DHPS: variants seen among roughly 807,000 people sequenced by gnomAD.
DHPS encodes the protein migration-inducing gene 13.
DHPS carries 24 observed loss-of-function variants against 38.7 expected under a neutral mutation model. The observed-to-expected ratio is 0.62, with a 90% confidence interval of 0.45 to 0.87. DHPS has a LOEUF of 0.87. DHPS is among the 40% of genes least tolerant of loss of function. The pLI, the probability that DHPS is intolerant of heterozygous loss-of-function variation, is 0.00. For missense variants in DHPS, 510 were observed against 497.6 expected, an observed-to-expected ratio of 1.02 and a Z score of -0.24; for synonymous variants, 250 against 204.4, an observed-to-expected ratio of 1.22 and a Z score of -1.90.
downstream of DHPS, chr19:12,673,102 G>A (rs772787838): frequency 1.9e-6 from 3 of 1,612,956 alleles, no homozygotes; most frequent in Non-Finnish European, 2.5e-6. Context: ...AAGACACAGG[G>A]GAGCTGCTGG....
chr19:12,679,959 A>G (rs1437313443), intron 2 of DHPS, 37 bp from the exon 3 acceptor site: 1 of 1,597,848 alleles, frequency 6.3e-7, no homozygotes. Flanking sequence ...CCCAAGAAGG[A>G]AGCCCCTGCC....
downstream of DHPS, among the ~76,000 whole-genome samples, chr19:12,674,011 G>A (rs2024496728): frequency 6.6e-6 from 1 of 152,134 alleles, no homozygotes; most frequent in Non-Finnish European, 1.5e-5. Context: ...GGGCTAGAGA[G>A]AAGATGAGGC....
In DHPS at chr19:12,679,613, C is replaced by T; in HGVS notation, c.591+10G>A. The T allele has an allele frequency of 6.2e-7, 1 of 1,614,154 alleles. No individual in the cohort carries two copies. The highest frequency in any genetic ancestry group is 8.5e-7 in the Non-Finnish European group (1 of 1,180,016). On this transcript the variant is annotated intron_variant, in intron 4 of 8. Transcript: ENST00000210060. Reference sequence around the variant, plus strand: ...ACTGAACTGGCCCCTCCAGGTTGCCCCAGCCCCACCTCTGTGTTCTGCTCC... The same window carrying T: ...ACTGAACTGGCCCCTCCAGGTTGCCTCAGCCCCACCTCTGTGTTCTGCTCC...
At position 12,680,313 on chromosome 19, in the gene DHPS, G is replaced by C. The variant is rs1568320103; in HGVS notation, c.220C>G (p.Leu74Val). The C allele has an allele frequency of 6.2e-7, 1 of 1,614,162 alleles. No individual in the cohort carries two copies. The highest frequency in any genetic ancestry group is 1.1e-5 in the South Asian group (1 of 91,088). The change falls in exon 2 of 9, where the codon CTG becomes GTG. Residue 74 changes from leucine (L) to valine (V), a missense_variant. Leu to Val is a conservative substitution (Grantham distance 32). Transcript: ENST00000210060. ...TCTTCATCCTGTGACAGTGGTTCCA[G>C]CTTCTTCTCGATCTGTGAGTAAGGG... ...QQVNAMIEKK[L>V]EPLSQDEDQH...
In DHPS at chr19:12,675,808, G is replaced by A. The variant is rs772840626; in HGVS notation, c.*30C>T. The A allele has an allele frequency of 5.7e-6, 9 of 1,569,270 alleles. No homozygotes were observed. The East Asian group carries it at 1.1e-4, about 20-fold the overall frequency. ...GTCTGCAAATTAATAAATAGAAGAGGGGGTAAGACCTTCCTGGGACCGCAG... is the reference window on the plus strand; with the variant it reads ...GTCTGCAAATTAATAAATAGAAGAGAGGGTAAGACCTTCCTGGGACCGCAG... On this transcript the variant is annotated 3_prime_UTR_variant, in exon 9 of 9. Coordinates refer to ENST00000210060, the MANE Select transcript of DHPS (RefSeq NM_001930.4).
chr19:12,678,204 G>C (rs2024680740), intron 5 of DHPS, among the ~76,000 whole-genome samples: 1 of 151,142 alleles, frequency 6.6e-6, no homozygotes, highest in Non-Finnish European at 1.5e-5. Context: ...GTTGCTGTGA[G>C]CCAAGATTGC....
rs1410672366 is a variant in DHPS, at chr19:12,679,848, G to A, written c.447C>T (p.Gly149=). 8.1e-6 allele frequency: 13 copies of A among 1,613,992 alleles called. No homozygotes were observed. The highest frequency in any genetic ancestry group is 1.1e-5 in the Non-Finnish European group (13 of 1,180,016). Residue 149 remains glycine, a synonymous_variant, in exon 3 of 9, where the codon GGC becomes GGT. Transcript: ENST00000210060. ...GCTCCTTCCCCCTGAGGCTAAACTC[G>A]CCCAAGTATGTGGGCGCCAGGCACT... ...LIKCLAPTYL[G]EFSLRGKELR...
chr19:12,677,427 A>G (rs774023747), intron 5 of DHPS, 31 bp from the exon 6 acceptor site: 1 of 1,589,232 alleles, frequency 6.3e-7, no homozygotes, highest in African/African-American at 1.3e-5. Flanking sequence ...CAGTGGCTGG[A>G]GCTCAGAGCC....
intron 1 of DHPS, chr19:12,681,019 A>T (rs567688842): frequency 2.9e-6 from 2 of 692,660 alleles, no homozygotes; most frequent in South Asian, 3.5e-5. Flanking sequence ...ATTTTAGTAG[A>T]GACAGGGTTT....
chr19:12,681,705 C>G lies in DHPS; in HGVS notation c.62G>C (p.Ser21Thr), dbSNP rs757656603. 6.2e-7 allele frequency: 1 copy of G among 1,613,946 alleles called. No homozygotes were observed. The highest frequency in any genetic ancestry group is 8.5e-7 in the Non-Finnish European group (1 of 1,180,034). The change falls in exon 1 of 9, where the codon AGC becomes ACC. Residue 21 changes from serine (S) to threonine (T), a missense_variant. By Grantham distance (58) the Ser-to-Thr change is moderately conservative. Transcript: ENST00000210060. The stretch of plus-strand genomic sequence containing the variant: ...GGTGCTTTCGGGCGGCAACGTCGAG[C>G]TGTGCTTTAGCACGGCGGCCAGCGC... ...AGALAAVLKH[S>T]STLPPESTQV...
chr19:12,676,400 ACT>A (rs2024590168), intron 7 of DHPS: 1 of 469,548 alleles, frequency 2.1e-6, no homozygotes, highest in Non-Finnish European at 3.8e-6. Flanking sequence ...GCTGCCAGCA[ACT>A]CTATCTTCAG....
chr19:12,672,870 G>A (rs558095190), downstream of DHPS: 8 of 1,592,342 alleles, frequency 5.0e-6, no homozygotes, highest in Admixed American at 5.3e-5. Flanking sequence ...CGCGTGAGAC[G>A]CTATGACCTA....
Position 12,679,609 on chromosome 19 carries a change from T to TCAGTTCAGTTCAGGTGGG in DHPS, c.591+13_591+14insCCCACCTGAACTGAACTG. The TCAGTTCAGTTCAGGTGGG allele has an allele frequency of 6.2e-7, 1 of 1,614,158 alleles. No homozygotes were observed. Among genetic ancestry groups the TCAGTTCAGTTCAGGTGGG allele is most frequent in the Non-Finnish European group, 8.5e-7 (1 of 1,180,000 alleles). On this transcript the variant is annotated intron_variant, in intron 4 of 8. Coordinates refer to ENST00000210060, the MANE Select transcript of DHPS (RefSeq NM_001930.4). Reference sequence around the variant, plus strand: ...TCCCACTGAACTGGCCCCTCCAGGTTGCCCCAGCCCCACCTCTGTGTTCTG... The same window carrying TCAGTTCAGTTCAGGTGGG: ...TCCCACTGAACTGGCCCCTCCAGGTTCAGTTCAGTTCAGGTGGGGCCCCAGCCCCACCTCTGTGTTCTG...
downstream of DHPS, among the ~76,000 whole-genome samples, chr19:12,674,910 T>C (rs534045632): frequency 1.0e-4 from 15 of 147,516 alleles, no homozygotes; most frequent in South Asian, 3.2e-3. Flanking sequence ...GGTCAGGAGA[T>C]AGAGATCATC....
chr19:12,674,667 A>C (rs753003495), downstream of DHPS, among the ~76,000 whole-genome samples: 2 of 152,118 alleles, frequency 1.3e-5, no homozygotes, highest in Non-Finnish European at 2.9e-5. Context: ...GGGGCTGCCA[A>C]ATGGACAGGA....
chr19:12,677,435 GCCT>G (rs750117682), intron 5 of DHPS, 39 bp from the exon 6 acceptor site: 1 of 1,560,012 alleles, frequency 6.4e-7, no homozygotes, highest in Admixed American at 1.8e-5. Context: ...GGAGCTCAGA[GCCT>G]CGTCTCCATG....
chr19:12,674,528 G>A (rs959610222), downstream of DHPS, among the ~76,000 whole-genome samples: 1 of 152,220 alleles, frequency 6.6e-6, no homozygotes, highest in Non-Finnish European at 1.5e-5. Flanking sequence ...TTTCTTATGG[G>A]CCCAGTAGAA....
intron 5 of DHPS, 129 bp from the exon 6 acceptor site, chr19:12,677,525 G>A: frequency 2.8e-6 from 2 of 720,478 alleles, no homozygotes; most frequent in Middle Eastern, 3.2e-4. Flanking sequence ...AAGCATAACA[G>A]AAACACCTCT....
At chr19:12,673,045 G>A (rs1428520550), downstream of DHPS, 1 of 1,613,590 alleles carries the variant, frequency 6.2e-7, no homozygotes, top group Non-Finnish European at 8.5e-7. Context: ...GGGATGGGCA[G>A]TGCACCCTGG....
Sources: gnomAD v4.1 joint callset for allele counts (sites outside exome capture counted in the v4.1 genomes callset) on GRCh38, gnomAD v4.1.1 for gene constraint, MANE v1.5 for transcripts, NCBI Gene and HGNC (gene_info 2026-07-23, HGNC 2026-07-21) for gene names.